Variants in CD34 observed in about 807,000 individuals in gnomAD.
CD34 encodes the protein CD34 molecule, also known as hematopoietic progenitor cell antigen CD34.
A neutral mutation model predicts 40.1 loss-of-function variants in CD34; 34 were observed. The ratio of observed to expected loss-of-function variants is 0.85; its 90% CI spans 0.65 to 1.13. The LOEUF is 1.13. CD34 is among the 50% of genes most tolerant of loss of function. CD34 has a pLI of 0.00. For synonymous variants in CD34, 209 were observed against 190.0 expected (o/e 1.10, Z -0.82); for missense variants, 426 against 466.9 (o/e 0.91, Z 0.81).
At chr1:207,908,582 G>T (rs761522122) in intron 1 of CD34, among the ~76,000 whole-genome samples, 1 of 152,242 alleles carries the variant, frequency 6.6e-6, no homozygotes, top group Admixed American at 6.5e-5. Flanking sequence ...GGAATGTGAC[G>T]GGGAGGGCCT....
intron 1 of CD34, among the ~76,000 whole-genome samples, chr1:207,902,751 T>C (rs1390845830): frequency 6.6e-6 from 1 of 152,106 alleles, no homozygotes; most frequent in Non-Finnish European, 1.5e-5. Context: ...AGACAAACAC[T>C]TTTGAACTTT....
Position 207,890,148 on chromosome 1 carries a change from C to T in CD34, c.598-527G>A, listed in dbSNP as rs112645589. On this transcript the variant is annotated intron_variant, in intron 4 of 7. Coordinates refer to ENST00000310833, the MANE Select transcript of CD34 (RefSeq NM_001025109.2). ...AAGTGCATTGCTCAAACTGAAATGG[C>T]ATTTTTGTCTCGTCTTCCATCTCTG... 12 of 1,054,068 alleles carry T rather than the reference C, an allele frequency of 1.1e-5. No individual in the cohort carries two copies. In the African/African-American group the frequency reaches 1.8e-4, roughly 16 times the overall value. The allele number at this position is 1,054,068 out of a possible 1,614,324, so 65.3% of individuals were successfully genotyped here. A position where few individuals can be genotyped will look rare whatever the true frequency, so the allele number is the denominator to read the frequency against.
rs1172141229 is a variant in CD34 at position 207,887,641 on chromosome 1, G to A, written c.*97C>T. ...TGTGTGCAGTGGGGAAGGGTTGGGCGTAAGAGATGTCACCTCCAGCATGGG... is the reference window on the plus strand; with the variant it reads ...TGTGTGCAGTGGGGAAGGGTTGGGCATAAGAGATGTCACCTCCAGCATGGG... On this transcript the variant is annotated 3_prime_UTR_variant, in exon 8 of 8. Coordinates refer to ENST00000310833, the MANE Select transcript of CD34 (RefSeq NM_001025109.2). The A allele has an allele frequency of 2.4e-5, 37 of 1,536,820 alleles. No individual in the cohort carries two copies. The highest frequency in any genetic ancestry group is 2.0e-4 in the African/African-American group (15 of 73,770).
chr1:207,881,659 CAA>C lies in CD34; in HGVS notation c.*6077_*6078del, dbSNP rs58259152. On this transcript the variant is annotated 3_prime_UTR_variant, in exon 8 of 8. Coordinates refer to ENST00000310833, the MANE Select transcript of CD34 (RefSeq NM_001025109.2). ...TGGGTGACAGAGCGAGACTCCGTCT[CAA>C]AAAAAAAAAAAAAAAAAAAGAATCA... is the stretch of plus-strand genomic sequence containing the variant. 2 of 69,030 alleles carry C rather than the reference CAA, an allele frequency of 2.9e-5. No individual in the cohort carries two copies. Among genetic ancestry groups the C allele is most frequent in the Admixed American group, 1.6e-4 (1 of 6,208 alleles). The allele number at this position is 69,030 out of a possible 1,614,324, so 4.3% of individuals were successfully genotyped here.
At chr1:207,888,183 G>A (rs1433857911) in intron 7 of CD34, 6 of 1,576,682 alleles carry the variant, frequency 3.8e-6, no homozygotes, top group East Asian at 2.2e-5. Context: ...GCCAGCTCCC[G>A]CAGGAAAACG....
Position 207,889,566 on chromosome 1 carries a change from T to G in CD34, c.653A>C (p.Glu218Ala). The change falls in exon 5 of 8, where the codon GAG (glutamate) becomes GCG (alanine). Residue 218 changes from glutamate (E) to alanine (A), a missense_variant. Coordinates refer to ENST00000310833, the MANE Select transcript of CD34 (RefSeq NM_001025109.2). ...EGLARVLCGEEQADADAGAQV... is the reference protein window; with the variant it reads ...EGLARVLCGEAQADADAGAQV... ...GGCCCCAGCATCAGCATCAGCCTGC[T>G]CCTCCCCACACAGCACTCGGGCCAG... 1 of 1,613,760 alleles carries G rather than the reference T, an allele frequency of 6.2e-7. No homozygotes were observed. Among genetic ancestry groups the G allele is most frequent in the Non-Finnish European group, 8.5e-7 (1 of 1,179,936 alleles).
At chr1:207,898,894 G>A in intron 3 of CD34, 79 bp downstream of exon 3, 1 of 1,440,146 alleles carries the variant, frequency 6.9e-7, no homozygotes. Flanking sequence ...ATGAGGAGAG[G>A]GGTGGAGGGA....
At chr1:207,901,723 C>T (rs901487586) in intron 1 of CD34, among the ~76,000 whole-genome samples, 16 of 152,190 alleles carry the variant, frequency 1.1e-4, no homozygotes, top group Non-Finnish European at 1.9e-4. Flanking sequence ...GTTGGCCTGA[C>T]TTACAACCTT....
chr1:207,897,702 A>C (rs1662177525), intron 3 of CD34, 129 bp from the exon 4 acceptor site: 1 of 708,952 alleles, frequency 1.4e-6, no homozygotes, highest in Non-Finnish European at 2.5e-6. Context: ...AAGGAAAAGG[A>C]CATTTAAAAT....
intron 1 of CD34, among the ~76,000 whole-genome samples, chr1:207,907,604 C>T (rs550313957): frequency 4.6e-5 from 7 of 152,280 alleles, no homozygotes; most frequent in South Asian, 2.1e-4. Flanking sequence ...AGGCCTTTTC[C>T]GTTGCATCTG....
At position 207,881,585 on chromosome 1, in the gene CD34, G is replaced by C. The variant is rs970803702; in HGVS notation, c.*6153C>G. ...TGAGGCAGGAGAATGGCGTGAACCC[G>C]GGAGGCAGAGCTTGCAGTGAGCCGA... is the stretch of plus-strand genomic sequence containing the variant. On this transcript the variant is annotated 3_prime_UTR_variant, in exon 8 of 8. Coordinates refer to ENST00000310833, the MANE Select transcript of CD34 (RefSeq NM_001025109.2). 1.3e-5 allele frequency: 2 copies of C among 149,708 alleles called. No homozygotes were observed. Among genetic ancestry groups the C allele is most frequent in the Non-Finnish European group, 3.0e-5 (2 of 67,402 alleles). The allele number at this position is 149,708 out of a possible 1,614,324, so 9.3% of individuals were successfully genotyped here. A position where few individuals can be genotyped will look rare whatever the true frequency, so the allele number is the denominator to read the frequency against.
chr1:207,885,169 G>A lies in CD34; in HGVS notation c.*2569C>T, dbSNP rs1441991950. 3 of 152,224 alleles carry A rather than the reference G, an allele frequency of 2.0e-5. No homozygotes were observed. The highest frequency in any genetic ancestry group is 7.2e-5 in the African/African-American group (3 of 41,438). 9.4% of individuals were successfully genotyped at this position (152,224 alleles called of 1,614,324 possible). A position where few individuals can be genotyped will look rare whatever the true frequency, so the allele number is the denominator to read the frequency against. The stretch of plus-strand genomic sequence containing the variant: ...TGTACAAGAGAAATTGGACTAGAGG[G>A]TGGGGCAGCCAGGGAGAGAAGCCCA... On this transcript the variant is annotated 3_prime_UTR_variant, in exon 8 of 8. Transcript: ENST00000310833.
At chr1:207,904,771 T>G (rs1417158530) in intron 1 of CD34, among the ~76,000 whole-genome samples, 1 of 152,230 alleles carries the variant, frequency 6.6e-6, no homozygotes. Context: ...AGTAAGAATA[T>G]AAACTTCTAA....
intron 4 of CD34, among the ~76,000 whole-genome samples, chr1:207,896,348 T>C (rs1167818555): frequency 6.6e-6 from 1 of 152,242 alleles, no homozygotes. Flanking sequence ...CAATTCCCTG[T>C]ACATTCTTTC....
Position 207,889,954 on chromosome 1 carries a change from T to A in CD34, c.598-333A>T, listed in dbSNP as rs1418276528. The A allele has an allele frequency of 2.7e-6, 4 of 1,470,986 alleles. No individual in the cohort carries two copies. In the African/African-American group the frequency reaches 5.8e-5, roughly 21 times the overall value. 91.1% of individuals were successfully genotyped at this position (1,470,986 alleles called of 1,614,324 possible). A position where few individuals can be genotyped will look rare whatever the true frequency, so the allele number is the denominator to read the frequency against. ...AAGAAATGGCCAAAAACAGAAAATA[T>A]TAATAATGCAATAATAACTAAGAGA... On this transcript the variant is annotated intron_variant, in intron 4 of 7. Transcript: ENST00000310833.
intron 1 of CD34, among the ~76,000 whole-genome samples, chr1:207,908,322 T>A (rs901591900): frequency 6.6e-6 from 1 of 152,202 alleles, no homozygotes; most frequent in Non-Finnish European, 1.5e-5. Flanking sequence ...AAGACATGCA[T>A]CTGCAAAGGT....
intron 4 of CD34, among the ~76,000 whole-genome samples, chr1:207,897,098 G>A (rs148949852): frequency 6.6e-6 from 1 of 151,988 alleles, no homozygotes; most frequent in South Asian, 2.1e-4. Context: ...AATAATAAAT[G>A]AACTGACATT....
chr1:207,900,091 T>A, intron 1 of CD34, 88 bp from the exon 2 acceptor site: 1 of 1,027,700 alleles, frequency 9.7e-7, no homozygotes, highest in Non-Finnish European at 1.4e-6. Flanking sequence ...TCAGGTAGAA[T>A]TCGTCTAGAA....
chr1:207,884,813 G>A lies in CD34; in HGVS notation c.*2925C>T, dbSNP rs991744462. 4.6e-5 allele frequency: 7 copies of A among 152,150 alleles called. No individual in the cohort carries two copies. In the East Asian group the frequency reaches 1.3e-3, roughly 29 times the overall value. 9.4% of individuals were successfully genotyped at this position (152,150 alleles called of 1,614,324 possible). A position where few individuals can be genotyped will look rare whatever the true frequency, so the allele number is the denominator to read the frequency against. On this transcript the variant is annotated 3_prime_UTR_variant, in exon 8 of 8. Coordinates refer to ENST00000310833, the MANE Select transcript of CD34 (RefSeq NM_001025109.2). ...CATGGCCTCCTGTGATCTTTGTCCTGGGGCTCCTCCAGGACCTGCTTGGCT... is the reference window on the plus strand; with the variant it reads ...CATGGCCTCCTGTGATCTTTGTCCTAGGGCTCCTCCAGGACCTGCTTGGCT...
Sources: allele counts gnomAD v4.1 joint callset (sites outside exome capture counted in the v4.1 genomes callset), GRCh38; gene constraint gnomAD v4.1.1; transcripts MANE v1.5; gene names NCBI Gene and HGNC (gene_info 2026-07-23, HGNC 2026-07-21).